The following ATP2A2 variants were observed in gnomAD, a reference collection of about 807,000 sequenced individuals.
ATP2A2 encodes the protein sarcoplasmic/endoplasmic reticulum calcium ATPase 2.
ATP2A2 carries 14 observed loss-of-function variants against 109.3 expected under a neutral mutation model. The ratio of observed to expected loss-of-function variants is 0.13; its 90% CI spans 0.08 to 0.20. ATP2A2 has a LOEUF of 0.20. Among genes scored for constraint, ATP2A2 ranks in the 10% least tolerant of loss-of-function variants. The pLI is 1.00. For missense variants in ATP2A2, 657 were observed against 1,321.6 expected, an observed-to-expected ratio of 0.50 and a Z score of 7.80; for synonymous variants, 506 against 490.9, an observed-to-expected ratio of 1.03 and a Z score of -0.41.
In ATP2A2 at chr12:110,296,747, G is replaced by C; in HGVS notation, c.463+10G>C. The C allele has an allele frequency of 6.2e-7, 1 of 1,613,850 alleles. No homozygotes were observed. ...ATTGTAGAAATTGCTGGTGAGTTGAGTTTGTCATTTTTCTTTTATTCTAGA... is the reference window on the plus strand; with the variant it reads ...ATTGTAGAAATTGCTGGTGAGTTGACTTTGTCATTTTTCTTTTATTCTAGA... On this transcript the variant is annotated intron_variant, in intron 5 of 19. Coordinates refer to ENST00000539276, the MANE Select transcript of ATP2A2 (RefSeq NM_170665.4).
intron 6 of ATP2A2, among the ~76,000 whole-genome samples, chr12:110,325,481 A>C (rs1877695316): frequency 6.6e-6 from 1 of 151,790 alleles, no homozygotes; most frequent in Non-Finnish European, 1.5e-5. Flanking sequence ...TAAAAATACA[A>C]AAATTAGCTG....
At chr12:110,336,836 C>G (rs1176148649) in intron 11 of ATP2A2, among the ~76,000 whole-genome samples, 1 of 152,160 alleles carries the variant, frequency 6.6e-6, no homozygotes, top group Non-Finnish European at 1.5e-5. Flanking sequence ...TCCATGAACC[C>G]GAAGCAGTCC....
Position 110,281,894 on chromosome 12 carries a change from A to T in ATP2A2, c.105A>T (p.Arg35Ser), listed in dbSNP as rs779082834. The change falls in exon 1 of 20, where the codon AGA becomes AGT. Residue 35 changes from arginine (R) to serine (S), a missense_variant. Around this residue, in one of 9 missense-constraint regions of ATP2A2, gnomAD observed 64 missense variants for 65.4 expected, o/e 0.98. Coordinates refer to ENST00000539276, the MANE Select transcript of ATP2A2 (RefSeq NM_170665.4). The part of the protein sequence containing the change: ...SLEQVKKLKE[R>S]WGSNELPAEE... The stretch of plus-strand genomic sequence containing the variant: ...AACAGGTCAAGAAGCTTAAGGAGAG[A>T]TGGGGCTCCAACGGTAGGTGCAGGG... The T allele has an allele frequency of 5.1e-6, 8 of 1,578,848 alleles. No individual in the cohort carries two copies. Among genetic ancestry groups the T allele is most frequent in the Middle Eastern group, 1.7e-4 (1 of 5,966 alleles).
intron 3 of ATP2A2, among the ~76,000 whole-genome samples, chr12:110,283,289 G>A (rs952417968): frequency 6.6e-6 from 1 of 152,176 alleles, no homozygotes; most frequent in Non-Finnish European, 1.5e-5. Flanking sequence ...CACCCTTGTT[G>A]ACCAAATTTG....
rs1348158008 is a variant in ATP2A2, at chr12:110,347,572, G to A, written c.*1102G>A. 8 of 1,252,750 alleles carry A rather than the reference G, an allele frequency of 6.4e-6. No homozygotes were observed. Among genetic ancestry groups the A allele is most frequent in the Non-Finnish European group, 8.3e-6 (8 of 967,650 alleles). 77.6% of individuals were successfully genotyped at this position (1,252,750 alleles called of 1,614,324 possible). A position where few individuals can be genotyped will look rare whatever the true frequency, so the allele number is the denominator to read the frequency against. On this transcript the variant is annotated 3_prime_UTR_variant, in exon 20 of 20. Transcript: ENST00000539276. ...AGAACATAAGGGCAAGTGTGTATGT[G>A]TGTGTATGTGTGTGTTTTGTAAAAT...
rs773213288 is a variant in ATP2A2 at position 110,302,605 on chromosome 12, TTATTAC to T, written c.463+5873_463+5878del. Among the ~76,000 whole-genome samples, 67 of 150,468 alleles carry T rather than the reference TTATTAC, an allele frequency of 4.5e-4. 1 individual carries two copies. The highest frequency in any genetic ancestry group is 6.4e-3 in the Middle Eastern group (2 of 312). On this transcript the variant is annotated intron_variant, in intron 5 of 19. Transcript: ENST00000539276. ...ATTACTATTATTATTATTATTATTA[TTATTAC>T]TATTTTGAGACAGGGTCTCACTCTG...
In ATP2A2 at chr12:110,348,873, G is replaced by A; in HGVS notation, c.*2403G>A. 4 of 985,452 alleles carry A rather than the reference G, an allele frequency of 4.1e-6. No individual in the cohort carries two copies. Among genetic ancestry groups the A allele is most frequent in the Non-Finnish European group, 4.8e-6 (4 of 829,948 alleles). 61.0% of individuals were successfully genotyped at this position (985,452 alleles called of 1,614,324 possible). A position where few individuals can be genotyped will look rare whatever the true frequency, so the allele number is the denominator to read the frequency against. On this transcript the variant is annotated 3_prime_UTR_variant, in exon 20 of 20. Coordinates refer to ENST00000539276, the MANE Select transcript of ATP2A2 (RefSeq NM_170665.4). ...AATGGGTTGAATGGGCCAAATGCAA[G>A]GAGTGCATCTCTGGGCTGCAAACTG...
intron 5 of ATP2A2, among the ~76,000 whole-genome samples, chr12:110,315,925 C>T (rs965460596): frequency 1.3e-5 from 2 of 152,046 alleles, no homozygotes; most frequent in Non-Finnish European, 1.5e-5. Context: ...GGTGACAGAG[C>T]AAACAAACAA....
intron 5 of ATP2A2, among the ~76,000 whole-genome samples, chr12:110,309,867 C>T (rs1875817872): frequency 2.6e-5 from 4 of 151,614 alleles, no homozygotes; most frequent in Admixed American, 1.3e-4. Flanking sequence ...TGAAATTAAG[C>T]CACTGCACTC....
intron 5 of ATP2A2, among the ~76,000 whole-genome samples, chr12:110,314,747 T>C (rs1430580345): frequency 1.3e-5 from 2 of 152,210 alleles, no homozygotes; most frequent in Non-Finnish European, 2.9e-5. Flanking sequence ...ATTTCATTGC[T>C]TATTATTACT....
chr12:110,332,425 G>A (rs1251968939), intron 8 of ATP2A2, 172 bp from the exon 9 acceptor site: 6 of 665,692 alleles, frequency 9.0e-6, no homozygotes, highest in Admixed American at 8.8e-5. Flanking sequence ...AAGCTAGTTA[G>A]GGTAAGGGAC....
Position 110,346,989 on chromosome 12 carries a change from T to C in ATP2A2, c.*519T>C. 1 of 1,104,080 alleles carries C rather than the reference T, an allele frequency of 9.1e-7. No homozygotes were observed. Among genetic ancestry groups the C allele is most frequent in the South Asian group, 2.4e-5 (1 of 41,712 alleles). The allele number at this position is 1,104,080 out of a possible 1,614,324, so 68.4% of individuals were successfully genotyped here. On this transcript the variant is annotated 3_prime_UTR_variant, in exon 20 of 20. Coordinates refer to ENST00000539276, the MANE Select transcript of ATP2A2 (RefSeq NM_170665.4). ...CTCAGTCAGTATTGTTTTGGTTTGC[T>C]ACTTCCCTCACCCACTTTGGCCTCC... is the stretch of plus-strand genomic sequence containing the variant.
At chr12:110,305,593 C>A (rs1297093946) in intron 5 of ATP2A2, among the ~76,000 whole-genome samples, 1 of 152,188 alleles carries the variant, frequency 6.6e-6, no homozygotes, top group Non-Finnish European at 1.5e-5. Flanking sequence ...TATTCTTACT[C>A]CATTGATCTC....
At position 110,327,791 on chromosome 12, in the gene ATP2A2, G is replaced by C. The variant is rs1877952044; in HGVS notation, c.869G>C (p.Arg290Thr). 6.2e-7 allele frequency: 1 copy of C among 1,614,060 alleles called. No individual in the cohort carries two copies. Among genetic ancestry groups the C allele is most frequent in the Admixed American group, 1.7e-5 (1 of 59,998 alleles). The stretch of plus-strand genomic sequence containing the variant: ...CCGGTTCATGGAGGGTCCTGGATCA[G>C]AGGTGCTATTTACTACTTTAAAATT... ...NDPVHGGSWI[R>T]GAIYYFKIAV... Residue 290 changes from arginine to threonine, a missense_variant, in exon 8 of 20, where the codon AGA (arginine) becomes ACA (threonine). By Grantham distance (71) the Arg-to-Thr change is moderately conservative. Transcript: ENST00000539276. The surrounding 1 kb of genome is among the most constrained non-coding windows in gnomAD (Gnocchi z 4.4).
chr12:110,327,960 T>A lies in ATP2A2; in HGVS notation c.1038T>A (p.Ser346=). ...LPSVETLGCT[S]VICSDKTGTL... The stretch of plus-strand genomic sequence containing the variant: ...CTGTGGAAACCCTTGGTTGTACTTC[T>A]GTTATCTGCTCAGACAAGACTGGTA... Residue 346 remains serine (S), a synonymous_variant, in exon 8 of 20, where the codon TCT becomes TCA. Coordinates refer to ENST00000539276, the MANE Select transcript of ATP2A2 (RefSeq NM_170665.4). This position sits in a 1 kb window ranked among gnomAD's most constrained non-coding sequence, Gnocchi z 4.4. 6.2e-7 allele frequency: 1 copy of A among 1,614,190 alleles called. No individual in the cohort carries two copies. The highest frequency in any genetic ancestry group is 8.5e-7 in the Non-Finnish European group (1 of 1,180,030).
intron 4 of ATP2A2, among the ~76,000 whole-genome samples, chr12:110,293,737 C>A (rs961705230): frequency 4.0e-5 from 6 of 151,038 alleles, no homozygotes; most frequent in Middle Eastern, 3.4e-3. Flanking sequence ...TTGTAAACTT[C>A]TAATCTTTAC....
intron 15 of ATP2A2, 74 bp from the exon 16 acceptor site, chr12:110,343,158 G>A: frequency 6.8e-7 from 1 of 1,478,628 alleles, no homozygotes; most frequent in South Asian, 1.1e-5. Flanking sequence ...AGGAGGGCGG[G>A]TTGATGATGC....
chr12:110,334,490 A>T (rs1236365279), intron 11 of ATP2A2, among the ~76,000 whole-genome samples: 1 of 151,970 alleles, frequency 6.6e-6, no homozygotes, highest in Admixed American at 6.6e-5. Flanking sequence ...GTTCTTCAGC[A>T]TAGGGGGAAA....
At position 110,309,140 on chromosome 12, in the gene ATP2A2, ATTTTTTTTTTTTTTT is replaced by A. The variant is rs10665212; in HGVS notation, c.463+12424_463+12438del. 3.7e-3 allele frequency among the ~76,000 whole-genome samples: 180 copies of A among 48,906 alleles called. 2 individuals carry two copies. Among genetic ancestry groups the A allele is most frequent in the Middle Eastern group, 0.015 (1 of 66 alleles). 32.1% of individuals were successfully genotyped at this position (48,906 alleles called of 152,430 possible). On this transcript the variant is annotated intron_variant, in intron 5 of 19. Coordinates refer to ENST00000539276, the MANE Select transcript of ATP2A2 (RefSeq NM_170665.4). The stretch of plus-strand genomic sequence containing the variant: ...ATGGAGAGAGAGTTTAAGGAAACTA[ATTTTTTTTTTTTTTT>A]TTTTTTTTTTTTTTTTTTTTGAGAT...
Sources: allele counts gnomAD v4.1 joint callset (sites outside exome capture counted in the v4.1 genomes callset), GRCh38; gene constraint gnomAD v4.1.1; regional missense constraint gnomAD v4.1.1; non-coding constraint Gnocchi (gnomAD v3.1); transcripts MANE v1.5; gene names NCBI Gene and HGNC (gene_info 2026-07-23, HGNC 2026-07-21).